The following WSCD2 variants were observed in gnomAD, a reference collection of about 807,000 sequenced individuals.
The protein encoded by WSCD2 is sialate:O-sulfotransferase 2.
WSCD2 carries 28 observed loss-of-function variants against 55.7 expected under a neutral mutation model. The ratio of observed to expected loss-of-function variants is 0.50; its 90% confidence interval spans 0.37 to 0.69. WSCD2 has a LOEUF of 0.69. WSCD2 is among the 30% of genes least tolerant of loss of function. WSCD2 has a pLI of 0.00. For missense variants in WSCD2, 616 were observed against 762.1 expected, an observed-to-expected ratio of 0.81 and a Z score of 2.26; for synonymous variants, 301 against 301.9, an observed-to-expected ratio of 1.00 and a Z score of 0.03.
intron 1 of WSCD2, among the ~76,000 whole-genome samples, chr12:108,166,170 C>G (rs562488569): frequency 6.6e-6 from 1 of 152,318 alleles, no homozygotes; most frequent in Non-Finnish European, 1.5e-5. Flanking sequence ...AAATGCTCTG[C>G]TAGCTCTGTA....
At chr12:108,232,271 C>A (rs756076507) in intron 6 of WSCD2, among the ~76,000 whole-genome samples, 1 of 152,136 alleles carries the variant, frequency 6.6e-6, no homozygotes, top group South Asian at 2.1e-4. Flanking sequence ...TGGTGAGTAC[C>A]ATTTGGATAT....
At chr12:108,222,119 A>C (rs1054352197) in intron 4 of WSCD2, among the ~76,000 whole-genome samples, 1 of 151,916 alleles carries the variant, frequency 6.6e-6, no homozygotes, top group African/African-American at 2.4e-5. Flanking sequence ...CCTTCCCCCC[A>C]CCCTTCTACT....
At chr12:108,142,766 C>T (rs1214467566) in intron 1 of WSCD2, among the ~76,000 whole-genome samples, 2 of 152,032 alleles carry the variant, frequency 1.3e-5, no homozygotes, top group Admixed American at 6.6e-5. Context: ...TTTCTGGTCA[C>T]CTCTCTCTTT....
At chr12:108,133,469 C>A (rs2136853036) in intron 1 of WSCD2, among the ~76,000 whole-genome samples, 1 of 152,286 alleles carries the variant, frequency 6.6e-6, no homozygotes, top group South Asian at 2.1e-4. Context: ...TAAGCATGCA[C>A]ATCTCTGAGG....
intron 7 of WSCD2, among the ~76,000 whole-genome samples, chr12:108,235,488 C>T (rs1217127528): frequency 6.6e-6 from 1 of 152,068 alleles, no homozygotes; most frequent in African/African-American, 2.4e-5. Flanking sequence ...GAGCCAAGAC[C>T]CCTGGCCCTA....
intron 1 of WSCD2, among the ~76,000 whole-genome samples, chr12:108,191,674 A>G (rs1467117093): frequency 9.2e-5 from 14 of 151,926 alleles, no homozygotes; most frequent in Admixed American, 5.2e-4. Flanking sequence ...GTTTCTTGGG[A>G]CCCTCCTATG....
intron 8 of WSCD2, 148 bp downstream of exon 8, chr12:108,240,692 C>A: frequency 2.1e-6 from 2 of 941,920 alleles, no homozygotes; most frequent in Non-Finnish European, 3.1e-6. Flanking sequence ...GGGCGCGTGT[C>A]ATGCTCCAGT....
chr12:108,226,931 C>A, intron 5 of WSCD2, 59 bp from the exon 6 acceptor site: 1 of 1,549,470 alleles, frequency 6.5e-7, no homozygotes, highest in Non-Finnish European at 8.7e-7. Context: ...CATTTGGAGT[C>A]TGAAGCTGTC....
In WSCD2 at chr12:108,224,793, C is replaced by G. The variant is rs977092466; in HGVS notation, c.737C>G (p.Ala246Gly). Residue 246 changes from alanine (A) to glycine (G), a missense_variant, in exon 5 of 9, where the codon GCC becomes GGC. By Grantham distance (60) the Ala-to-Gly change is moderately conservative. Coordinates refer to ENST00000547525, the MANE Select transcript of WSCD2 (RefSeq NM_014653.4). ...CGCAGGCCCGACAACCTTTCCCTGG[C>G]CTTACCCGTGACAGCTGCCATGCTG... ...CFRRPDNLSL[A>G]LPVTAAMLNM... 1 of 1,613,706 alleles carries G rather than the reference C, an allele frequency of 6.2e-7. No individual in the cohort carries two copies. Among genetic ancestry groups the G allele is most frequent in the African/African-American group, 1.3e-5 (1 of 75,070 alleles).
intron 1 of WSCD2, among the ~76,000 whole-genome samples, chr12:108,161,079 T>C (rs1280555259): frequency 6.6e-6 from 1 of 152,228 alleles, no homozygotes; most frequent in Non-Finnish European, 1.5e-5. Context: ...GTTTAAATCT[T>C]GGTGCTGCCA....
intron 1 of WSCD2, among the ~76,000 whole-genome samples, chr12:108,161,169 A>G (rs1160149923): frequency 1.3e-5 from 2 of 152,218 alleles, no homozygotes; most frequent in Non-Finnish European, 2.9e-5. Flanking sequence ...AAATAGAAAT[A>G]TTGATTCCAA....
intron 1 of WSCD2, among the ~76,000 whole-genome samples, chr12:108,133,077 G>A (rs548778047): frequency 2.0e-5 from 3 of 152,252 alleles, no homozygotes; most frequent in East Asian, 3.9e-4. Context: ...TTCTGTGGGT[G>A]TGTGACTGTG....
At chr12:108,197,505 T>G (rs1192181973) in intron 2 of WSCD2, among the ~76,000 whole-genome samples, 2 of 152,180 alleles carry the variant, frequency 1.3e-5, no homozygotes, top group Non-Finnish European at 2.9e-5. Flanking sequence ...CAAATGGTTT[T>G]ACCTTCTCCC....
chr12:108,137,766 C>T (rs146853872), intron 1 of WSCD2, among the ~76,000 whole-genome samples: 108 of 152,314 alleles, frequency 7.1e-4, no homozygotes, highest in Middle Eastern at 3.4e-3. Flanking sequence ...TATTTGATCC[C>T]ATGGCTAAAC....
At chr12:108,194,645 C>G (rs1448033864) in intron 1 of WSCD2, among the ~76,000 whole-genome samples, 1 of 152,164 alleles carries the variant, frequency 6.6e-6, no homozygotes, top group African/African-American at 2.4e-5. Flanking sequence ...ACTGAATGGA[C>G]AAATATGCTG....
At chr12:108,179,265 G>T (rs12308028) in intron 1 of WSCD2, among the ~76,000 whole-genome samples, 3 of 151,666 alleles carry the variant, frequency 2.0e-5, no homozygotes, top group Non-Finnish European at 2.9e-5. Context: ...AGCGGGGGAG[G>T]GGGGGCAGAG....
intron 2 of WSCD2, among the ~76,000 whole-genome samples, chr12:108,203,041 G>A (rs537112470): frequency 1.3e-5 from 2 of 152,292 alleles, no homozygotes; most frequent in South Asian, 4.1e-4. Flanking sequence ...TGGCATATAG[G>A]AAGGGGCAAC....
At position 108,196,129 on chromosome 12, in the gene WSCD2, T is replaced by C; in HGVS notation, c.297T>C (p.Asn99=). Residue 99 remains asparagine, a synonymous_variant, in exon 2 of 9, where the codon AAT becomes AAC. Coordinates refer to ENST00000547525, the MANE Select transcript of WSCD2 (RefSeq NM_014653.4). ...YGPWFKGKDG[N]ERAKLGDYGG... ...CCTGGTTCAAGGGCAAGGATGGGAATGAGAGAGCCAAGCTTGGCGACTACG... is the reference window on the plus strand; with the variant it reads ...CCTGGTTCAAGGGCAAGGATGGGAACGAGAGAGCCAAGCTTGGCGACTACG... The C allele has an allele frequency of 1.2e-6, 2 of 1,613,964 alleles. No individual in the cohort carries two copies. Among genetic ancestry groups the C allele is most frequent in the Non-Finnish European group, 1.7e-6 (2 of 1,179,988 alleles).
intron 2 of WSCD2, among the ~76,000 whole-genome samples, chr12:108,203,624 A>G (rs1309871869): frequency 6.6e-6 from 1 of 152,118 alleles, no homozygotes; most frequent in African/African-American, 2.4e-5. Context: ...ACTACAGTCC[A>G]CCCCTTCACT....
Sources: allele counts gnomAD v4.1 joint callset (sites outside exome capture counted in the v4.1 genomes callset), GRCh38; gene constraint gnomAD v4.1.1; transcripts MANE v1.5; gene names NCBI Gene and HGNC (gene_info 2026-07-23, HGNC 2026-07-21).